GNAI1: variants seen among roughly 807,000 people sequenced by gnomAD.
GNAI1 encodes the protein guanine nucleotide-binding protein G(i) subunit alpha-1.
A neutral mutation model predicts 38.9 loss-of-function variants in GNAI1; 11 were observed. That is an observed-to-expected ratio of 0.28 (90% CI 0.18 to 0.47). The LOEUF is 0.47. GNAI1 is among the 20% of genes least tolerant of loss of function. The pLI, the probability that GNAI1 is intolerant of heterozygous loss-of-function variation, is 0.99. For missense variants in GNAI1, 317 were observed against 436.9 expected (o/e 0.73, Z 2.45); for synonymous variants, 166 against 145.1 (o/e 1.14, Z -1.04).
intron 1 of GNAI1, among the ~76,000 whole-genome samples, chr7:80,163,732 A>G (rs1787963021): frequency 6.6e-6 from 1 of 152,232 alleles, no homozygotes; most frequent in South Asian, 2.1e-4. Context: ...TTCATTAATC[A>G]GTATTCTTTA....
intron 1 of GNAI1, among the ~76,000 whole-genome samples, chr7:80,164,210 A>G (rs1340320701): frequency 2.6e-5 from 4 of 150,946 alleles, no homozygotes; most frequent in Non-Finnish European, 4.4e-5. Context: ...ACATCCAGCT[A>G]ATTTTTGTAT....
chr7:80,216,175 A>G (rs985808140), intron 7 of GNAI1, among the ~76,000 whole-genome samples: 1 of 151,416 alleles, frequency 6.6e-6, no homozygotes, highest in Non-Finnish European at 1.5e-5. Context: ...ATGTACATAC[A>G]TACATACGTA....
intron 3 of GNAI1, among the ~76,000 whole-genome samples, chr7:80,191,357 G>T (rs2115641171): frequency 6.6e-6 from 1 of 152,060 alleles, no homozygotes; most frequent in Non-Finnish European, 1.5e-5. Context: ...AAAAAGCGTT[G>T]TATGAATAAG....
chr7:80,195,815 C>T (rs1391635937), intron 3 of GNAI1, among the ~76,000 whole-genome samples: 9 of 151,916 alleles, frequency 5.9e-5, no homozygotes, highest in African/African-American at 2.2e-4. Context: ...TTCCCCTTCC[C>T]TTTTTTGTTT....
chr7:80,185,985 A>G (rs930918389), intron 1 of GNAI1, among the ~76,000 whole-genome samples: 8 of 151,922 alleles, frequency 5.3e-5, no homozygotes, highest in African/African-American at 1.7e-4. Flanking sequence ...ACTAGTAAAG[A>G]AAGTACAAAT....
At chr7:80,137,256 G>A (rs1050148901) in intron 1 of GNAI1, among the ~76,000 whole-genome samples, 13 of 148,814 alleles carry the variant, frequency 8.7e-5, no homozygotes, top group African/African-American at 3.0e-4. Context: ...CTCATTTTCA[G>A]AAGAAATTAT....
In GNAI1 at chr7:80,211,099, G is replaced by T; in HGVS notation, c.720+1G>T. 1 of 1,612,796 alleles carries T rather than the reference G, an allele frequency of 6.2e-7. No homozygotes were observed. Among genetic ancestry groups the T allele is most frequent in the Non-Finnish European group, 8.5e-7 (1 of 1,179,066 alleles). On this transcript the variant is annotated splice_donor_variant, in intron 6 of 7. Coordinates refer to ENST00000649796, the MANE Select transcript of GNAI1 (RefSeq NM_002069.6). LOFTEE classifies it high-confidence loss of function. The stretch of plus-strand genomic sequence containing the variant: ...GGTTCTAGCTGAAGATGAAGAAATG[G>T]CAAGTAGAACTACTTTAAGAGTTGA...
intron 1 of GNAI1, among the ~76,000 whole-genome samples, chr7:80,147,509 A>G (rs2116089609): frequency 6.6e-6 from 1 of 152,146 alleles, no homozygotes; most frequent in South Asian, 2.1e-4. Flanking sequence ...TTCTTGACCT[A>G]TGAGAAATAA....
chr7:80,189,036 A>G (rs1788435227), intron 2 of GNAI1, 43 bp downstream of exon 2: 4 of 1,600,474 alleles, frequency 2.5e-6, no homozygotes, highest in South Asian at 1.1e-5. Flanking sequence ...AAGTTAGTGT[A>G]CCGTTCTACC....
intron 1 of GNAI1, among the ~76,000 whole-genome samples, chr7:80,164,777 C>A (rs781603407): frequency 6.6e-6 from 1 of 152,116 alleles, no homozygotes; most frequent in Non-Finnish European, 1.5e-5. Flanking sequence ...CATGATTTCT[C>A]AAATTTCCTT....
At chr7:80,203,115 C>T (rs1049825211) in intron 4 of GNAI1, among the ~76,000 whole-genome samples, 1 of 152,144 alleles carries the variant, frequency 6.6e-6, no homozygotes, top group Admixed American at 6.5e-5. Context: ...TATGTAGCAC[C>T]AGTGGCAGAG....
chr7:80,179,806 TG>T (rs1190082650), intron 1 of GNAI1, among the ~76,000 whole-genome samples: 2 of 152,174 alleles, frequency 1.3e-5, no homozygotes, highest in African/African-American at 4.8e-5. Flanking sequence ...AGGTGATAGG[TG>T]CACAAGAAGT....
chr7:80,152,568 T>C (rs1230124014), intron 1 of GNAI1, among the ~76,000 whole-genome samples: 3 of 148,004 alleles, frequency 2.0e-5, no homozygotes, highest in Non-Finnish European at 4.5e-5. Flanking sequence ...CTTTTTTTTT[T>C]TTTTTTTTTT....
intron 1 of GNAI1, among the ~76,000 whole-genome samples, chr7:80,166,945 A>G (rs569378612): frequency 4.0e-4 from 61 of 152,254 alleles, no homozygotes; most frequent in African/African-American, 1.4e-3. Flanking sequence ...ATTTGTCATG[A>G]TTAGAGTATA....
intron 1 of GNAI1, among the ~76,000 whole-genome samples, chr7:80,168,512 C>G (rs1207531200): frequency 6.6e-6 from 1 of 152,052 alleles, no homozygotes; most frequent in South Asian, 2.1e-4. Flanking sequence ...CTCAGCCTCC[C>G]GAGTAGCTGG....
chr7:80,185,792 A>G (rs374448670), intron 1 of GNAI1, among the ~76,000 whole-genome samples: 2 of 152,108 alleles, frequency 1.3e-5, no homozygotes, highest in African/African-American at 4.8e-5. Context: ...CCTGTATGCT[A>G]TATGGAGAAA....
chr7:80,155,913 G>C (rs528558420), intron 1 of GNAI1, among the ~76,000 whole-genome samples: 8 of 151,718 alleles, frequency 5.3e-5, no homozygotes, highest in Admixed American at 6.6e-5. Flanking sequence ...AATATTAGGC[G>C]TGGTGGCGTA....
chr7:80,194,633 A>G (rs182942641), intron 3 of GNAI1, among the ~76,000 whole-genome samples: 4 of 152,172 alleles, frequency 2.6e-5, no homozygotes, highest in African/African-American at 7.2e-5. Context: ...GTTTTGTTAT[A>G]TGCATGGAGT....
At chr7:80,174,707 C>T (rs1030453780) in intron 1 of GNAI1, among the ~76,000 whole-genome samples, 2 of 151,806 alleles carry the variant, frequency 1.3e-5, no homozygotes, top group Admixed American at 6.6e-5. Flanking sequence ...AATTTGTCAG[C>T]GTAAAAGCCA....
Sources: allele counts gnomAD v4.1 joint callset (sites outside exome capture counted in the v4.1 genomes callset), GRCh38; gene constraint gnomAD v4.1.1; transcripts MANE v1.5; gene names NCBI Gene and HGNC (gene_info 2026-07-23, HGNC 2026-07-21).